The following PTPRD variants were observed in gnomAD, a reference collection of about 807,000 sequenced individuals.
The protein encoded by PTPRD is receptor-type tyrosine-protein phosphatase delta.
PTPRD carries 34 observed loss-of-function variants against 214.5 expected under a neutral mutation model. That is an observed-to-expected ratio of 0.16 (90% CI 0.12 to 0.21). The LOEUF is 0.21. Among genes scored for constraint, PTPRD ranks in the 10% least tolerant of loss-of-function variants. The pLI, the probability that PTPRD is intolerant of heterozygous loss-of-function variation, is 1.00. For synonymous variants in PTPRD, 1,128 were observed against 845.7 expected, an observed-to-expected ratio of 1.33 and a Z score of -5.79; for missense variants, 2,545 against 2,398.7, an observed-to-expected ratio of 1.06 and a Z score of -1.27.
intron 3 of PTPRD, among the ~76,000 whole-genome samples, chr9:10,076,179 T>C (rs1411215829): frequency 1.3e-5 from 2 of 152,038 alleles, no homozygotes; most frequent in African/African-American, 4.8e-5. Flanking sequence ...GGTTTGAGGG[T>C]CTACGTCTTG....
chr9:9,477,654 G>T (rs899542936), intron 8 of PTPRD, among the ~76,000 whole-genome samples: 10 of 152,246 alleles, frequency 6.6e-5, no homozygotes, highest in Non-Finnish European at 1.3e-4. Context: ...TGATATCCGT[G>T]CAAGGAACTA....
At chr9:10,482,801 G>A (rs1206481259) in intron 2 of PTPRD, among the ~76,000 whole-genome samples, 1 of 152,164 alleles carries the variant, frequency 6.6e-6, no homozygotes, top group Non-Finnish European at 1.5e-5. Flanking sequence ...TCTGCTGAAA[G>A]AAATCACAGA....
intron 8 of PTPRD, among the ~76,000 whole-genome samples, chr9:9,462,919 C>T (rs1354786853): frequency 6.6e-6 from 1 of 152,150 alleles, no homozygotes; most frequent in Non-Finnish European, 1.5e-5. Flanking sequence ...ATCATCACAT[C>T]AGTTTTCTTT....
At chr9:9,211,568 G>A (rs568114923) in intron 9 of PTPRD, among the ~76,000 whole-genome samples, 2 of 145,510 alleles carry the variant, frequency 1.4e-5, no homozygotes, top group South Asian at 4.4e-4. Flanking sequence ...CAAGAGCTAA[G>A]GTTTCTTCTC....
chr9:9,665,499 C>G (rs1369828840), intron 7 of PTPRD, among the ~76,000 whole-genome samples: 1 of 151,626 alleles, frequency 6.6e-6, no homozygotes, highest in Non-Finnish European at 1.5e-5. Context: ...GCTTTCTGAC[C>G]TTCTGACATA....
intron 5 of PTPRD, among the ~76,000 whole-genome samples, chr9:9,859,567 T>G (rs376465268): frequency 1.3e-5 from 2 of 152,232 alleles, no homozygotes; most frequent in South Asian, 2.1e-4. Flanking sequence ...TCCCCCCACC[T>G]TCAAGGAGAG....
At chr9:9,176,197 G>A (rs146914468) in intron 10 of PTPRD, among the ~76,000 whole-genome samples, 1 of 152,130 alleles carries the variant, frequency 6.6e-6, no homozygotes. Context: ...TGGTCTAATT[G>A]TTCTGGTTCT....
At chr9:8,955,271 GGTTACTTAT>G (rs2099125018) in intron 11 of PTPRD, among the ~76,000 whole-genome samples, 1 of 151,830 alleles carries the variant, frequency 6.6e-6, no homozygotes, top group African/African-American at 2.4e-5. Context: ...TGAAAGTAAA[GGTTACTTAT>G]GGATTCCTGG....
At chr9:8,931,619 G>T (rs1339613135) in intron 11 of PTPRD, among the ~76,000 whole-genome samples, 2 of 152,056 alleles carry the variant, frequency 1.3e-5, no homozygotes, top group Admixed American at 1.3e-4. Context: ...CCATTTGTTT[G>T]TATCCTCTTT....
intron 3 of PTPRD, among the ~76,000 whole-genome samples, chr9:10,127,593 C>T (rs1475125102): frequency 1.3e-5 from 2 of 152,082 alleles, no homozygotes; most frequent in African/African-American, 4.8e-5. Flanking sequence ...ATTTAATATA[C>T]TGTAATTATT....
chr9:8,353,809 CA>C (rs200070227), intron 39 of PTPRD, among the ~76,000 whole-genome samples: 1 of 94,794 alleles, frequency 1.1e-5, no homozygotes, highest in African/African-American at 5.2e-5. Context: ...GACTCCTTCT[CA>C]AAAAAAAATA....
intron 7 of PTPRD, among the ~76,000 whole-genome samples, chr9:9,584,908 T>C (rs2091656285): frequency 6.6e-6 from 1 of 152,008 alleles, no homozygotes; most frequent in Non-Finnish European, 1.5e-5. Flanking sequence ...GCAACATTTT[T>C]TTTCACCCAA....
chr9:9,879,672 A>G (rs1158437468), intron 5 of PTPRD, among the ~76,000 whole-genome samples: 1 of 152,302 alleles, frequency 6.6e-6, no homozygotes, highest in East Asian at 1.9e-4. Flanking sequence ...GTGAAAGTTT[A>G]GGTTTTTTGA....
chr9:8,338,368 G>C (rs553280719), intron 43 of PTPRD, among the ~76,000 whole-genome samples: 1 of 152,094 alleles, frequency 6.6e-6, no homozygotes, highest in Non-Finnish European at 1.5e-5. Flanking sequence ...AGGGTCATGG[G>C]AGCACAGCTC....
intron 14 of PTPRD, among the ~76,000 whole-genome samples, chr9:8,565,430 TAA>T: frequency 6.6e-6 from 1 of 152,230 alleles, no homozygotes; most frequent in Non-Finnish European, 1.5e-5. Flanking sequence ...TATCAAATAC[TAA>T]ATGCTGCACA....
chr9:10,579,949 T>G (rs2071104091), intron 2 of PTPRD, among the ~76,000 whole-genome samples: 1 of 152,124 alleles, frequency 6.6e-6, no homozygotes, highest in African/African-American at 2.4e-5. Context: ...CAATGTTCAA[T>G]GGGGTTGTTT....
intron 2 of PTPRD, among the ~76,000 whole-genome samples, chr9:10,406,886 G>T (rs2098371169): frequency 6.6e-6 from 1 of 151,504 alleles, no homozygotes; most frequent in African/African-American, 2.4e-5. Context: ...AGTGGAAATG[G>T]CAACAGACAG....
In PTPRD at chr9:8,331,658, ATCCTTCTCCGGACTTTGGCAC is replaced by A; in HGVS notation, c.5437_5457del (p.Val1813_Gly1819del). 1 of 1,613,840 alleles carries A rather than the reference ATCCTTCTCCGGACTTTGGCAC, an allele frequency of 6.2e-7. No homozygotes were observed. Among genetic ancestry groups the A allele is most frequent in the African/African-American group, 1.3e-5 (1 of 74,940 alleles). The stretch of plus-strand genomic sequence containing the variant: ...TGGACTTGGCCGATGAAGTCAATAA[ATCCTTCTCCGGACTTTGGCAC>A]TCCTTGCTCTGGCCAGTCAGTGAAC... On this transcript the variant is annotated inframe_deletion, in exon 44 of 46. Transcript: ENST00000381196.
At chr9:9,602,281 G>T (rs1242176138) in intron 7 of PTPRD, among the ~76,000 whole-genome samples, 2 of 151,876 alleles carry the variant, frequency 1.3e-5, no homozygotes, top group Admixed American at 6.6e-5. Context: ...AATGATTTAG[G>T]CATTTTAGGC....
Sources: allele counts gnomAD v4.1 joint callset (sites outside exome capture counted in the v4.1 genomes callset), GRCh38; gene constraint gnomAD v4.1.1; transcripts MANE v1.5; gene names NCBI Gene and HGNC (gene_info 2026-07-23, HGNC 2026-07-21).